Variants in GALNTL5 observed in about 807,000 individuals in gnomAD.
GALNTL5 encodes the protein polypeptide N-acetylgalactosaminyltransferase like 5, also known as inactive polypeptide N-acetylgalactosaminyltransferase-like protein 5.
GALNTL5 carries 44 observed loss-of-function variants against 51.0 expected under a neutral mutation model. The ratio of observed to expected loss-of-function variants is 0.86; its 90% CI spans 0.68 to 1.11. GALNTL5 has a LOEUF of 1.11. GALNTL5 is among the 50% of genes least tolerant of loss of function. The pLI is 0.00. For synonymous variants in GALNTL5, 192 were observed against 182.8 expected (o/e 1.05, Z -0.41); for missense variants, 528 against 531.8 (o/e 0.99, Z 0.07).
intron 5 of GALNTL5, among the ~76,000 whole-genome samples, chr7:152,001,836 G>A (rs1284605607): frequency 6.6e-6 from 1 of 152,082 alleles, no homozygotes; most frequent in African/African-American, 2.4e-5. Flanking sequence ...TAAGTCTTCT[G>A]ATCAAAACAT....
chr7:151,970,867 G>T, intron 2 of GALNTL5, 78 bp from the exon 3 acceptor site: 1 of 1,199,346 alleles, frequency 8.3e-7, no homozygotes, highest in Non-Finnish European at 1.2e-6. Context: ...AATTGTTTTG[G>T]TTATTCTAGA....
At chr7:151,993,003 C>T (rs192774903) in intron 5 of GALNTL5, among the ~76,000 whole-genome samples, 1 of 152,124 alleles carries the variant, frequency 6.6e-6, no homozygotes, top group Non-Finnish European at 1.5e-5. Context: ...TTTGAGAGGC[C>T]GAGGCGGGCG....
At chr7:151,983,326 T>C (rs1433627147) in intron 4 of GALNTL5, among the ~76,000 whole-genome samples, 174 bp downstream of exon 4, 3 of 152,018 alleles carry the variant, frequency 2.0e-5, no homozygotes. Flanking sequence ...TACAGGTGCA[T>C]GCCACCACGC....
intron 8 of GALNTL5, among the ~76,000 whole-genome samples, chr7:152,015,268 G>A (rs957573119): frequency 2.6e-5 from 4 of 151,840 alleles, no homozygotes; most frequent in Non-Finnish European, 5.9e-5. Context: ...TTTTATGGAG[G>A]TGCTGGATCT....
intron 1 of GALNTL5, among the ~76,000 whole-genome samples, chr7:151,961,337 A>C (rs979869188): frequency 7.6e-6 from 1 of 131,930 alleles, no homozygotes; most frequent in African/African-American, 3.3e-5. Context: ...CGCCAACTCT[A>C]CAAAAAAAAA....
intron 3 of GALNTL5, among the ~76,000 whole-genome samples, chr7:151,977,570 TTCA>T (rs1168396060): frequency 2.0e-5 from 3 of 152,184 alleles, no homozygotes; most frequent in Non-Finnish European, 4.4e-5. Context: ...TTGTATTATC[TTCA>T]TCAGATTTTG....
intron 3 of GALNTL5, among the ~76,000 whole-genome samples, chr7:151,972,090 G>A (rs2081151705): frequency 6.6e-6 from 1 of 152,226 alleles, no homozygotes; most frequent in African/African-American, 2.4e-5. Context: ...AACAGGCAGA[G>A]GTTGGAATAG....
At chr7:151,994,245 GCC>G (rs1311170627) in intron 5 of GALNTL5, among the ~76,000 whole-genome samples, 4 of 152,150 alleles carry the variant, frequency 2.6e-5, no homozygotes, top group Non-Finnish European at 5.9e-5. Context: ...GCAGCCAGCG[GCC>G]CTTCCTTAAC....
At chr7:152,018,570 T>C (rs1413523615) in intron 8 of GALNTL5, among the ~76,000 whole-genome samples, 1 of 152,176 alleles carries the variant, frequency 6.6e-6, no homozygotes, top group African/African-American at 2.4e-5. Context: ...TAAAGGGATA[T>C]GACGTGTTAA....
intron 1 of GALNTL5, among the ~76,000 whole-genome samples, chr7:151,956,970 G>C (rs2080933152): frequency 6.6e-6 from 1 of 151,938 alleles, no homozygotes. Flanking sequence ...ATCTTATATG[G>C]AGATCAGTAT....
rs116777185 is a variant in GALNTL5, at chr7:151,995,924, G to A, written c.659-6790G>A. ...AGATTAGAGACTGGCTCTAGGTCAC[G>A]TTACTCCAGGCTCAAACCCAGGAAT... is the stretch of plus-strand genomic sequence containing the variant. On this transcript the variant is annotated intron_variant, in intron 5 of 8. Coordinates refer to ENST00000392800, the MANE Select transcript of GALNTL5 (RefSeq NM_145292.4). Among the ~76,000 whole-genome samples the A allele has an allele frequency of 2.9e-3, 446 of 152,238 alleles. 4 individuals carry two copies. Among genetic ancestry groups the A allele is most frequent in the African/African-American group, 9.8e-3 (407 of 41,528 alleles).
At chr7:152,011,485 A>C (rs1233746719) in intron 7 of GALNTL5, among the ~76,000 whole-genome samples, 1 of 152,196 alleles carries the variant, frequency 6.6e-6, no homozygotes, top group East Asian at 1.9e-4. Context: ...TGCCATCCCC[A>C]GATGCTGGCA....
At position 151,964,781 on chromosome 7, in the gene GALNTL5, C is replaced by T. The variant is rs145460123; in HGVS notation, c.-39-2427C>T. Reference sequence around the variant, plus strand: ...CACAGGTGTGCTGTCTTCAGGGGGACGACCCAGGGAGCCGCCTGCCTTATT... The same window carrying T: ...CACAGGTGTGCTGTCTTCAGGGGGATGACCCAGGGAGCCGCCTGCCTTATT... On this transcript the variant is annotated intron_variant, in intron 1 of 8. Coordinates refer to ENST00000392800, the MANE Select transcript of GALNTL5 (RefSeq NM_145292.4). 7.8e-3 allele frequency among the ~76,000 whole-genome samples: 1,190 copies of T among 152,218 alleles called. 16 individuals carry two copies. Among genetic ancestry groups the T allele is most frequent in the African/African-American group, 0.027 (1,107 of 41,526 alleles).
chr7:152,006,661 C>T (rs2081647405), intron 6 of GALNTL5, among the ~76,000 whole-genome samples: 1 of 152,228 alleles, frequency 6.6e-6, no homozygotes, highest in Admixed American at 6.5e-5. Context: ...TACCCTTTCC[C>T]CTACACATGG....
chr7:151,966,276 T>C (rs2081058573), intron 1 of GALNTL5, among the ~76,000 whole-genome samples: 1 of 151,944 alleles, frequency 6.6e-6, no homozygotes, highest in African/African-American at 2.4e-5. Context: ...TCTTTTTTTT[T>C]TTTTGTTTGA....
intron 2 of GALNTL5, 27 bp from the exon 3 acceptor site, chr7:151,970,918 T>C (rs994348497): frequency 2.5e-6 from 4 of 1,569,108 alleles, no homozygotes; most frequent in Non-Finnish European, 3.5e-6. Flanking sequence ...CCTTTACTTA[T>C]ATGATTCTAA....
At position 151,971,124 on chromosome 7, in the gene GALNTL5, TAGATAGATAGATAGAA is replaced by T. The variant is rs772651043; in HGVS notation, c.368+63_368+78del. The stretch of plus-strand genomic sequence containing the variant: ...ATAGATAGATAGATAGATAGATAGA[TAGATAGATAGATAGAA>T]AGAAAACAGTTACTAACCAGATTTT... On this transcript the variant is annotated intron_variant, in intron 3 of 8. Coordinates refer to ENST00000392800, the MANE Select transcript of GALNTL5 (RefSeq NM_145292.4). 3,483 of 1,300,436 alleles carry T rather than the reference TAGATAGATAGATAGAA, an allele frequency of 2.7e-3. 26 individuals carry two copies. Among genetic ancestry groups the T allele is most frequent in the African/African-American group, 2.3e-3 (154 of 66,792 alleles). The allele number at this position is 1,300,436 out of a possible 1,614,324, so 80.6% of individuals were successfully genotyped here.
chr7:151,983,665 A>G (rs1324615340), intron 4 of GALNTL5, among the ~76,000 whole-genome samples: 2 of 152,142 alleles, frequency 1.3e-5, no homozygotes, highest in African/African-American at 2.4e-5. Flanking sequence ...TCCATAAGGC[A>G]AACATAGGGG....
chr7:152,005,985 T>C (rs2081637020), intron 6 of GALNTL5, among the ~76,000 whole-genome samples: 2 of 152,200 alleles, frequency 1.3e-5, no homozygotes, highest in Non-Finnish European at 2.9e-5. Context: ...AGAATCACTA[T>C]GTGGGTGAGT....
Sources: gnomAD v4.1 joint callset for allele counts (sites outside exome capture counted in the v4.1 genomes callset) on GRCh38, gnomAD v4.1.1 for gene constraint, MANE v1.5 for transcripts, NCBI Gene and HGNC (gene_info 2026-07-23, HGNC 2026-07-21) for gene names.